Variants in CSMD3 observed in about 807,000 individuals in gnomAD.
The protein encoded by CSMD3 is CUB and Sushi multiple domains 3.
A neutral mutation model predicts 435.2 loss-of-function variants in CSMD3; 177 were observed. The observed-to-expected ratio is 0.41, with a 90% CI of 0.36 to 0.46. The LOEUF (loss-of-function observed/expected upper bound fraction) is 0.46, where lower values mean the gene tolerates loss of function less well. CSMD3 is among the 20% of genes least tolerant of loss of function. The pLI is 0.34. For missense variants in CSMD3, 4,265 were observed against 4,504.6 expected, an observed-to-expected ratio of 0.95 and a Z score of 1.52; for synonymous variants, 1,656 against 1,520.5, an observed-to-expected ratio of 1.09 and a Z score of -2.07.
intron 3 of CSMD3, among the ~76,000 whole-genome samples, chr8:113,182,056 A>G (rs2092428806): frequency 1.3e-5 from 2 of 152,086 alleles, no homozygotes; most frequent in African/African-American, 4.8e-5. Context: ...TAATTATTGA[A>G]GCCCGAGGCA....
chr8:113,241,055 C>T (rs572889151), intron 3 of CSMD3, among the ~76,000 whole-genome samples: 1 of 152,082 alleles, frequency 6.6e-6, no homozygotes, highest in South Asian at 2.1e-4. Flanking sequence ...TATTGTTTTG[C>T]TTTTTTTGCC....
rs923897089 is a variant in CSMD3, at chr8:112,911,896, A to T, written c.1633+9731T>A. Among the ~76,000 whole-genome samples, 41 of 148,204 alleles carry T rather than the reference A, an allele frequency of 2.8e-4. 2 individuals carry two copies. Among genetic ancestry groups the T allele is most frequent in the Admixed American group, 2.7e-3 (39 of 14,706 alleles). Reference sequence around the variant, plus strand: ...TATAACATTATGAGAAGAATATTAAATAACCAAATATATCTTTATGAGGCA... The same window carrying T: ...TATAACATTATGAGAAGAATATTAATTAACCAAATATATCTTTATGAGGCA... On this transcript the variant is annotated intron_variant, in intron 10 of 70. Transcript: ENST00000297405.
chr8:112,930,769 G>T (rs150204512), intron 9 of CSMD3, among the ~76,000 whole-genome samples: 1 of 152,136 alleles, frequency 6.6e-6, no homozygotes, highest in Non-Finnish European at 1.5e-5. Context: ...AAAGTGCAAA[G>T]ACCGATGTGC....
At position 113,274,906 on chromosome 8, in the gene CSMD3, AAG is replaced by A. The variant is rs201940257; in HGVS notation, c.514+3684_514+3685del. Among the ~76,000 whole-genome samples the A allele has an allele frequency of 9.4e-3, 1,427 of 151,106 alleles. 20 individuals carry two copies. Among genetic ancestry groups the A allele is most frequent in the African/African-American group, 0.03 (1,246 of 41,240 alleles). ...AGGGAGGGAGGGAGGCAGAGAAATA[AAG>A]AGAGAGAGAGAGAATGTGTGATTAC... On this transcript the variant is annotated intron_variant, in intron 3 of 70. Coordinates refer to ENST00000297405, the MANE Select transcript of CSMD3 (RefSeq NM_198123.2).
chr8:113,199,491 G>C (rs1012863179), intron 3 of CSMD3, among the ~76,000 whole-genome samples: 3 of 151,522 alleles, frequency 2.0e-5, no homozygotes, highest in African/African-American at 7.3e-5. Context: ...AATATTATAA[G>C]CTCTATTTAA....
chr8:112,386,364 T>C (rs565422491), intron 36 of CSMD3, among the ~76,000 whole-genome samples: 3 of 152,188 alleles, frequency 2.0e-5, no homozygotes, highest in Admixed American at 2.0e-4. Flanking sequence ...TAGTTTGGCA[T>C]AATAAAAATA....
chr8:112,311,903 A>G (rs1184662524), intron 49 of CSMD3, among the ~76,000 whole-genome samples: 1 of 152,130 alleles, frequency 6.6e-6, no homozygotes, highest in East Asian at 1.9e-4. Flanking sequence ...AACAAATTGG[A>G]CTTAGGATAT....
rs767295830 is a variant in CSMD3 at position 112,556,818 on chromosome 8, G to C, written c.4179C>G (p.Leu1393=). Residue 1393 remains leucine, a synonymous_variant, in exon 25 of 71, where the codon CTC becomes CTG. Coordinates refer to ENST00000297405, the MANE Select transcript of CSMD3 (RefSeq NM_198123.2). ...PGYTLHGSSL[L]KCMTGERRAW... ...CCCTTCTCTCCCCTGTCATGCACTTGAGAAGGCTACTTCCGTGGAGAGTGT... is the reference window on the plus strand; with the variant it reads ...CCCTTCTCTCCCCTGTCATGCACTTCAGAAGGCTACTTCCGTGGAGAGTGT... 6 of 1,612,366 alleles carry C rather than the reference G, an allele frequency of 3.7e-6. No homozygotes were observed. In the African/African-American group the frequency reaches 4.0e-5, roughly 11 times the overall value.
At chr8:112,949,407 C>T (rs1293043362) in intron 8 of CSMD3, among the ~76,000 whole-genome samples, 1 of 151,964 alleles carries the variant, frequency 6.6e-6, no homozygotes, top group Non-Finnish European at 1.5e-5. Flanking sequence ...CTTTACCTTT[C>T]TAGGTTTTTT....
Position 112,451,123 on chromosome 8 carries a change from C to T in CSMD3, c.5395+21468G>A, listed in dbSNP as rs188121810. Among the ~76,000 whole-genome samples, 9 of 152,128 alleles carry T rather than the reference C, an allele frequency of 5.9e-5. No individual in the cohort carries two copies. In the East Asian group the frequency reaches 1.7e-3, roughly 29 times the overall value. On this transcript the variant is annotated intron_variant, in intron 32 of 70. Coordinates refer to ENST00000297405, the MANE Select transcript of CSMD3 (RefSeq NM_198123.2). ...ATAGCAAACAAAAATACTTAAAATA[C>T]AGGTAGCTACAAATTTAAATATAAA...
chr8:112,976,118 G>T lies in CSMD3; in HGVS notation c.1061C>A (p.Thr354Asn). 6.2e-7 allele frequency: 1 copy of T among 1,614,026 alleles called. No individual in the cohort carries two copies. The highest frequency in any genetic ancestry group is 8.5e-7 in the Non-Finnish European group (1 of 1,179,904). The change falls in exon 7 of 71, where the codon ACT becomes AAT. Residue 354 changes from threonine (T) to asparagine (N), a missense_variant. This residue lies in a region of CSMD3 where 731 missense variants were observed against 755.4 expected (regional missense o/e 0.97). Transcript: ENST00000297405. ...CCTGTTATGCTCCTCTAACTCACCA[G>T]TGGAGGTAGTGTGGGTCAATGTAGA... ...GSSTLTHTTS[T>N]GELEEHNRTT...
At chr8:113,133,888 G>T (rs2091349326) in intron 4 of CSMD3, among the ~76,000 whole-genome samples, 1 of 151,978 alleles carries the variant, frequency 6.6e-6, no homozygotes, top group Non-Finnish European at 1.5e-5. Context: ...GATTACCAGG[G>T]GTTATGCAGA....
intron 3 of CSMD3, among the ~76,000 whole-genome samples, chr8:113,257,610 G>A (rs796209022): frequency 2.6e-5 from 4 of 152,258 alleles, no homozygotes; most frequent in African/African-American, 9.6e-5. Context: ...GGAGAAAGGA[G>A]TAAAATACTT....
chr8:113,410,543 T>C (rs2094553425), intron 1 of CSMD3, among the ~76,000 whole-genome samples: 1 of 152,102 alleles, frequency 6.6e-6, no homozygotes, highest in South Asian at 2.1e-4. Flanking sequence ...AATTGTTCTT[T>C]CTCTGTTTCT....
chr8:113,076,874 G>A (rs1284203670), intron 5 of CSMD3, among the ~76,000 whole-genome samples: 1 of 152,068 alleles, frequency 6.6e-6, no homozygotes, highest in Non-Finnish European at 1.5e-5. Flanking sequence ...AAAAATTCAA[G>A]TAATAATTCA....
intron 27 of CSMD3, among the ~76,000 whole-genome samples, chr8:112,542,049 C>G (rs2131142648): frequency 6.6e-6 from 1 of 151,722 alleles, no homozygotes; most frequent in South Asian, 2.1e-4. Flanking sequence ...ATCACATGAT[C>G]ACATGATAAT....
At chr8:112,705,291 G>C (rs1293149794) in intron 13 of CSMD3, among the ~76,000 whole-genome samples, 1 of 151,976 alleles carries the variant, frequency 6.6e-6, no homozygotes, top group East Asian at 1.9e-4. Context: ...AATCAACACT[G>C]AAATGAATCT....
At chr8:113,100,855 A>G (rs1421525582) in intron 4 of CSMD3, among the ~76,000 whole-genome samples, 3 of 152,154 alleles carry the variant, frequency 2.0e-5, no homozygotes, top group Non-Finnish European at 4.4e-5. Flanking sequence ...AATTAACTTC[A>G]TTTTGATTAA....
intron 5 of CSMD3, among the ~76,000 whole-genome samples, chr8:113,032,930 G>C (rs941547548): frequency 6.6e-6 from 1 of 151,476 alleles, no homozygotes; most frequent in Non-Finnish European, 1.5e-5. Flanking sequence ...TGCCTAAAAG[G>C]GGTCAAGGCA....
Sources: gnomAD v4.1 joint callset for allele counts (sites outside exome capture counted in the v4.1 genomes callset) on GRCh38, gnomAD v4.1.1 for gene constraint, gnomAD v4.1.1 regional missense constraint, MANE v1.5 for transcripts, NCBI Gene and HGNC (gene_info 2026-07-23, HGNC 2026-07-21) for gene names.